RNF24: variants seen among roughly 807,000 people sequenced by gnomAD.
RNF24 encodes the protein ring finger protein 24.
A neutral mutation model predicts 20.0 loss-of-function variants in RNF24; 14 were observed. The observed-to-expected ratio is 0.70, with a 90% CI of 0.46 to 1.10. RNF24 has a LOEUF of 1.10. RNF24 is among the 50% of genes least tolerant of loss of function. The pLI is 0.00. For missense variants in RNF24, 124 were observed against 177.6 expected (o/e 0.70, Z 1.71); for synonymous variants, 45 against 61.1 (o/e 0.74, Z 1.23).
chr20:3,998,181 T>A (rs375023360), intron 1 of RNF24, among the ~76,000 whole-genome samples: 1 of 151,170 alleles, frequency 6.6e-6, no homozygotes, highest in Non-Finnish European at 1.5e-5. Context: ...TGGCTCAGGC[T>A]TGTAATCCCA....
chr20:3,934,242 T>G lies in RNF24; in HGVS notation c.309-41A>C. On this transcript the variant is annotated intron_variant, in intron 5 of 5. Coordinates refer to ENST00000358395, the MANE Select transcript of RNF24 (RefSeq NM_001134337.3). The surrounding 1 kb of genome is among the most constrained non-coding windows in gnomAD (Gnocchi z 4.0). ...CCACAGGGGGAAGATGTCAGTCCTATGCTCATGGCACGGCTGTTCTGCTGA... is the reference window on the plus strand; with the variant it reads ...CCACAGGGGGAAGATGTCAGTCCTAGGCTCATGGCACGGCTGTTCTGCTGA... 1 of 1,586,418 alleles carries G rather than the reference T, an allele frequency of 6.3e-7. No individual in the cohort carries two copies. Among genetic ancestry groups the G allele is most frequent in the Non-Finnish European group, 8.6e-7 (1 of 1,166,956 alleles).
rs1982825684 is a variant in RNF24 at position 4,015,481 on chromosome 20, C to G, written c.-52G>C. 6.6e-6 allele frequency: 1 copy of G among 151,178 alleles called. No homozygotes were observed. Among genetic ancestry groups the G allele is most frequent in the Non-Finnish European group, 1.5e-5 (1 of 67,718 alleles). 9.4% of individuals were successfully genotyped at this position (151,178 alleles called of 1,614,324 possible). ...CGGCAGACGTGCGGGACCGTCAGCG[C>G]CCTGCGGCGGGCGGCAGGCTGCGGG... On this transcript the variant is annotated 5_prime_UTR_variant, in exon 1 of 6. Transcript: ENST00000358395.
chr20:3,995,558 T>G (rs986056629), intron 1 of RNF24, among the ~76,000 whole-genome samples: 4 of 152,216 alleles, frequency 2.6e-5, no homozygotes, highest in Non-Finnish European at 5.9e-5. Flanking sequence ...CATGACTAAT[T>G]CAGCATTCTT....
chr20:3,999,881 T>C (rs1326094452), intron 1 of RNF24, among the ~76,000 whole-genome samples: 1 of 152,146 alleles, frequency 6.6e-6, no homozygotes, highest in Non-Finnish European at 1.5e-5. Flanking sequence ...GAAAACATCA[T>C]ATTAAGTGAA....
intron 1 of RNF24, among the ~76,000 whole-genome samples, chr20:3,993,717 C>A (rs1980641459): frequency 6.6e-6 from 1 of 152,220 alleles, no homozygotes; most frequent in South Asian, 2.1e-4. Context: ...TGGTTGGTTC[C>A]TGTGGGCAGT....
intron 1 of RNF24, among the ~76,000 whole-genome samples, chr20:3,973,355 C>G (rs1347929387): frequency 2.0e-5 from 3 of 150,740 alleles, no homozygotes; most frequent in African/African-American, 7.3e-5. Context: ...CATCAAGAAC[C>G]CAGAAAAAGG....
intron 1 of RNF24, among the ~76,000 whole-genome samples, chr20:3,980,940 G>A (rs545143061): frequency 7.0e-6 from 1 of 143,636 alleles, no homozygotes; most frequent in South Asian, 2.4e-4. Context: ...AGGCTGCCAT[G>A]TTGTTGCACA....
At chr20:3,944,468 G>T (rs1207576353) in intron 4 of RNF24, among the ~76,000 whole-genome samples, 1 of 152,174 alleles carries the variant, frequency 6.6e-6, no homozygotes, top group Non-Finnish European at 1.5e-5. Context: ...ATGCGACACT[G>T]CTATTACAAC....
intron 1 of RNF24, among the ~76,000 whole-genome samples, chr20:4,006,727 T>C (rs1319542412): frequency 6.6e-6 from 1 of 152,202 alleles, no homozygotes; most frequent in Non-Finnish European, 1.5e-5. Flanking sequence ...TTTCTCCAAC[T>C]CCCTGGGGTA....
intron 2 of RNF24, among the ~76,000 whole-genome samples, chr20:3,953,916 C>T (rs545519780): frequency 6.6e-6 from 1 of 151,532 alleles, no homozygotes; most frequent in Admixed American, 6.6e-5. Flanking sequence ...GCCACCACGT[C>T]CAGCTAATTT....
chr20:3,965,453 T>A (rs989447924), intron 1 of RNF24, among the ~76,000 whole-genome samples: 1 of 152,218 alleles, frequency 6.6e-6, no homozygotes, highest in African/African-American at 2.4e-5. Context: ...CTTCATCCCA[T>A]GTAAATTCTT....
chr20:3,970,698 A>T (rs1007731198), intron 1 of RNF24, among the ~76,000 whole-genome samples: 2 of 152,152 alleles, frequency 1.3e-5, no homozygotes, highest in African/African-American at 4.8e-5. Flanking sequence ...GAAATAAAAA[A>T]ACTAAAACTA....
chr20:3,979,495 T>C (rs1236848031), intron 1 of RNF24, among the ~76,000 whole-genome samples: 1 of 152,010 alleles, frequency 6.6e-6, no homozygotes, highest in African/African-American at 2.4e-5. Context: ...GCCAACATGG[T>C]GAAACCCCGT....
chr20:3,941,396 G>A (rs2090953846), intron 4 of RNF24, among the ~76,000 whole-genome samples: 1 of 152,042 alleles, frequency 6.6e-6, no homozygotes, highest in Admixed American at 6.6e-5. Flanking sequence ...TCCATATTGT[G>A]GCAAGGTCTC....
In RNF24 at chr20:3,930,098, C is replaced by G. The variant is rs1439034871; in HGVS notation, c.*3965G>C. Reference sequence around the variant, plus strand: ...CTGGAAGGATACCCAAGGAACAAACCAATAGTAGGTATTCATGGAGTGAGG... The same window carrying G: ...CTGGAAGGATACCCAAGGAACAAACGAATAGTAGGTATTCATGGAGTGAGG... On this transcript the variant is annotated 3_prime_UTR_variant, in exon 6 of 6. Coordinates refer to ENST00000358395, the MANE Select transcript of RNF24 (RefSeq NM_001134337.3). 3 of 152,174 alleles carry G rather than the reference C, an allele frequency of 2.0e-5. No homozygotes were observed. Among genetic ancestry groups the G allele is most frequent in the African/African-American group, 7.2e-5 (3 of 41,442 alleles). 9.4% of individuals were successfully genotyped at this position (152,174 alleles called of 1,614,324 possible). A position where few individuals can be genotyped will look rare whatever the true frequency, so the allele number is the denominator to read the frequency against.
At chr20:4,003,348 T>C (rs1303295539) in intron 1 of RNF24, among the ~76,000 whole-genome samples, 1 of 152,224 alleles carries the variant, frequency 6.6e-6, no homozygotes, top group African/African-American at 2.4e-5. Context: ...TATTTTAACT[T>C]TTAATATGCA....
chr20:3,939,801 C>A (rs1365421754), intron 4 of RNF24, among the ~76,000 whole-genome samples: 1 of 152,110 alleles, frequency 6.6e-6, no homozygotes, highest in Non-Finnish European at 1.5e-5. Flanking sequence ...TGCCAACTTA[C>A]CAATATTACA....
At chr20:3,986,510 G>A (rs1415599905) in intron 1 of RNF24, among the ~76,000 whole-genome samples, 5 of 152,034 alleles carry the variant, frequency 3.3e-5, no homozygotes, top group African/African-American at 1.2e-4. Flanking sequence ...CCCTGCCTTG[G>A]CCTCCCAAAG....
intron 2 of RNF24, among the ~76,000 whole-genome samples, chr20:3,953,176 G>A (rs549432333): frequency 3.3e-5 from 5 of 151,990 alleles, no homozygotes; most frequent in Non-Finnish European, 7.4e-5. Flanking sequence ...TTTTGGAGAC[G>A]GAGTCTCACT....
Sources: allele counts gnomAD v4.1 joint callset (sites outside exome capture counted in the v4.1 genomes callset), GRCh38; gene constraint gnomAD v4.1.1; non-coding constraint Gnocchi (gnomAD v3.1); transcripts MANE v1.5; gene names NCBI Gene and HGNC (gene_info 2026-07-23, HGNC 2026-07-21).